YAE1: variants seen among roughly 807,000 people sequenced by gnomAD.
The protein encoded by YAE1 is YAE1 maturation factor of ABCE1, also known as protein YAE1 homolog.
In YAE1, 22 loss-of-function variants were observed where a neutral mutation model predicts 23.0. That is an observed-to-expected ratio of 0.96 (90% confidence interval 0.68 to 1.37). The LOEUF (loss-of-function observed/expected upper bound fraction) is 1.37. Ranked by LOEUF, YAE1 falls within the 40% of genes most tolerant of loss-of-function variation. The pLI, the probability that YAE1 is intolerant of heterozygous loss-of-function variation, is 0.00. For synonymous variants in YAE1, 101 were observed against 97.0 expected (o/e 1.04, Z -0.24); for missense variants, 260 against 262.1 (o/e 0.99, Z 0.06).
rs372050605 is a variant in YAE1, at chr7:39,580,482, G to A, written c.251+9855G>A. On this transcript the variant is annotated intron_variant, in intron 2 of 2. Coordinates refer to the YAE1 transcript ENST00000432096. The stretch of plus-strand genomic sequence containing the variant: ...GAACTACCTACAGATTGAGTTCTGC[G>A]GAAGTTGAATCCTGGTGCTTTCATG... 8.5e-5 allele frequency among the ~76,000 whole-genome samples: 13 copies of A among 152,320 alleles called. No homozygotes were observed. In the East Asian group the frequency reaches 1.9e-3, roughly 23 times the overall value.
chr7:39,566,728 C>A, intron 1 of YAE1, 181 bp downstream of exon 1: 1 of 854,400 alleles, frequency 1.2e-6, no homozygotes, highest in Non-Finnish European at 1.7e-6. Context: ...TGTAAAACAA[C>A]AAGACGCATT....
chr7:39,610,300 C>G (rs1791192245), exon 3 of YAE1: 4 of 491,174 alleles, frequency 8.1e-6, no homozygotes, highest in Non-Finnish European at 1.1e-5. Context: ...TTGCAGATCT[C>G]GGTACCAGGT....
At position 39,566,786 on chromosome 7, in the gene YAE1, T is replaced by C. The variant is rs1053904062; in HGVS notation, c.129+239T>C. 18 of 438,838 alleles carry C rather than the reference T, an allele frequency of 4.1e-5. No individual in the cohort carries two copies. In the Admixed American group the frequency reaches 4.9e-4, roughly 12 times the overall value. The allele number at this position is 438,838 out of a possible 1,614,324, so 27.2% of individuals were successfully genotyped here. A position where few individuals can be genotyped will look rare whatever the true frequency, so the allele number is the denominator to read the frequency against. ...TTAGAAACTGAGGACCGACCAAAAT[T>C]AACTATGTGTAGACTTTGAACAGTT... is the stretch of plus-strand genomic sequence containing the variant. On this transcript the variant is annotated intron_variant, in intron 1 of 2. Transcript: ENST00000223273.
intron 2 of YAE1, among the ~76,000 whole-genome samples, chr7:39,581,443 C>T (rs552173797): frequency 2.0e-5 from 3 of 152,218 alleles, no homozygotes; most frequent in Non-Finnish European, 4.4e-5. Flanking sequence ...ATGTAAATAA[C>T]CTGAAAATAA....
At chr7:39,607,241 A>G (rs1000776321) in intron 2 of YAE1, among the ~76,000 whole-genome samples, 1 of 152,168 alleles carries the variant, frequency 6.6e-6, no homozygotes, top group South Asian at 2.1e-4. Context: ...AGTGTTGTCT[A>G]TGTCCTACTC....
chr7:39,599,682 TTTTA>T lies in YAE1; in HGVS notation c.252-9923_252-9920del, dbSNP rs202108005. On this transcript the variant is annotated intron_variant, in intron 2 of 2. Transcript: ENST00000432096. The stretch of plus-strand genomic sequence containing the variant: ...AGTAGAGACCAGTAGACACTGGTGT[TTTTA>T]TTTATTTATTTTTTATTGTTTTTAT... Among the ~76,000 whole-genome samples, 1,348 of 151,892 alleles carry T rather than the reference TTTTA, an allele frequency of 8.9e-3. 12 individuals are homozygous for T. The highest frequency in any genetic ancestry group is 0.021 in the African/African-American group (885 of 41,502).
chr7:39,603,406 G>A (rs998385348), intron 2 of YAE1, among the ~76,000 whole-genome samples: 1 of 152,180 alleles, frequency 6.6e-6, no homozygotes, highest in Non-Finnish European at 1.5e-5. Context: ...CCAAAGTTCT[G>A]GGATTACAGG....
At chr7:39,611,361 A>T (rs1256055522), downstream of YAE1, among the ~76,000 whole-genome samples, 2 of 152,166 alleles carry the variant, frequency 1.3e-5, no homozygotes, top group East Asian at 1.9e-4. Context: ...TCATTCACAC[A>T]ATCCAAGAGT....
intron 2 of YAE1, among the ~76,000 whole-genome samples, chr7:39,578,744 C>G (rs909374126): frequency 8.5e-5 from 13 of 152,308 alleles, no homozygotes; most frequent in African/African-American, 2.9e-4. Context: ...AACTGTAACA[C>G]TCACCGCGAG....
downstream of YAE1, chr7:39,610,357 A>T: frequency 2.1e-6 from 1 of 468,424 alleles, no homozygotes. Flanking sequence ...ACTGTTTGAT[A>T]TCACATTTCA....
In YAE1 at chr7:39,566,452, G is replaced by A; in HGVS notation, c.34G>A (p.Gly12Ser). 6.2e-7 allele frequency: 1 copy of A among 1,614,208 alleles called. No homozygotes were observed. Among genetic ancestry groups the A allele is most frequent in the South Asian group, 1.1e-5 (1 of 91,088 alleles). ...GGTTCAAGCAGCCTCCTTGATCCAG[G>A]GCCCTGGAGACAAAGGGGACGTGTT... is the stretch of plus-strand genomic sequence containing the variant. Reference protein sequence around the residue: ...SWVQAASLIQGPGDKGDVFDE... With the variant: ...SWVQAASLIQSPGDKGDVFDE... The change falls in exon 1 of 3, where the codon GGC becomes AGC. Residue 12 changes from glycine to serine, a missense_variant. Coordinates refer to ENST00000223273, the MANE Select transcript of YAE1 (RefSeq NM_020192.5).
chr7:39,580,800 T>G (rs902723187), intron 2 of YAE1, among the ~76,000 whole-genome samples: 2 of 152,212 alleles, frequency 1.3e-5, no homozygotes, highest in African/African-American at 4.8e-5. Flanking sequence ...GATCCTCCTG[T>G]TCTTGTTTAA....
downstream of YAE1, among the ~76,000 whole-genome samples, chr7:39,573,359 AGTTAG>A (rs1455625799): frequency 6.6e-6 from 1 of 152,218 alleles, no homozygotes; most frequent in Admixed American, 6.5e-5. Context: ...AGTAGTAAGG[AGTTAG>A]TAATATTGCC....
At chr7:39,574,978 T>C (rs1790631610), downstream of YAE1, among the ~76,000 whole-genome samples, 1 of 152,202 alleles carries the variant, frequency 6.6e-6, no homozygotes, top group Non-Finnish European at 1.5e-5. Flanking sequence ...CTGTGTTCCA[T>C]GAACATGAGC....
intron 2 of YAE1, among the ~76,000 whole-genome samples, chr7:39,601,116 A>G (rs568869264): frequency 6.6e-6 from 1 of 152,328 alleles, no homozygotes; most frequent in South Asian, 2.1e-4. Context: ...ATTCAAACCA[A>G]ACAAAAGCAA....
chr7:39,576,806 T>A (rs954266501), downstream of YAE1, among the ~76,000 whole-genome samples: 23 of 151,926 alleles, frequency 1.5e-4, no homozygotes, highest in African/African-American at 5.3e-4. Flanking sequence ...AAAAAAAAAA[T>A]GAATCTACTA....
intron 2 of YAE1, among the ~76,000 whole-genome samples, chr7:39,592,515 C>A (rs1253006355): frequency 1.3e-5 from 2 of 152,064 alleles, no homozygotes; most frequent in South Asian, 2.1e-4. Context: ...CATTACAAAT[C>A]AAAAATATCA....
At chr7:39,609,178 C>G (rs1192679747) in intron 2 of YAE1, among the ~76,000 whole-genome samples, 1 of 152,136 alleles carries the variant, frequency 6.6e-6, no homozygotes, top group East Asian at 1.9e-4. Context: ...GAAGAATAAC[C>G]AGGCCAGTGA....
chr7:39,569,469 GA>G (rs1229041444), intron 1 of YAE1: 51 of 495,260 alleles, frequency 1.0e-4, no homozygotes, highest in Admixed American at 2.0e-4. Context: ...TTCTTCTTCT[GA>G]AACATCTTCT....
Sources: allele counts gnomAD v4.1 joint callset (sites outside exome capture counted in the v4.1 genomes callset), GRCh38; gene constraint gnomAD v4.1.1; transcripts MANE v1.5; gene names NCBI Gene and HGNC (gene_info 2026-07-23, HGNC 2026-07-21).